LYPD6: variants seen among roughly 807,000 people sequenced by gnomAD.
The protein encoded by LYPD6 is LY6/PLAUR domain containing 6.
Under a neutral mutation model 22.7 loss-of-function variants are expected in LYPD6, and 15 were observed. The observed-to-expected ratio is 0.66, with a 90% CI of 0.44 to 1.02. The LOEUF is 1.02. Ranked by LOEUF, LYPD6 falls within the 50% of genes least tolerant of loss-of-function variation. The pLI is 0.00. For missense variants in LYPD6, 189 were observed against 208.4 expected, an observed-to-expected ratio of 0.91 and a Z score of 0.57; for synonymous variants, 72 against 77.5, an observed-to-expected ratio of 0.93 and a Z score of 0.37.
intron 1 of LYPD6, among the ~76,000 whole-genome samples, chr2:149,340,268 A>G (rs1223211407): frequency 6.6e-6 from 1 of 152,156 alleles, no homozygotes; most frequent in African/African-American, 2.4e-5. Context: ...ATTAGCCCAG[A>G]TGTACATGTT....
intron 1 of LYPD6, among the ~76,000 whole-genome samples, chr2:149,396,639 T>C (rs1183485166): frequency 6.6e-6 from 1 of 152,186 alleles, no homozygotes; most frequent in African/African-American, 2.4e-5. Flanking sequence ...TCTTGGTGTT[T>C]TCCTCAGATG....
chr2:149,449,293 AATAACTT>A lies in LYPD6; in HGVS notation c.217+149_217+155del, dbSNP rs1683758413. On this transcript the variant is annotated intron_variant, in intron 3 of 4. Coordinates refer to ENST00000334166, the MANE Select transcript of LYPD6 (RefSeq NM_194317.5). ...GCTATTAGATCTTTTGTACCACACC[AATAACTT>A]ATCAGAGATTCTCAGAGACATAAAC... The A allele has an allele frequency of 1.6e-5, 9 of 559,956 alleles. No homozygotes were observed. The South Asian group carries it at 2.3e-4, about 14-fold the overall frequency. 34.7% of individuals were successfully genotyped at this position (559,956 alleles called of 1,614,324 possible).
At chr2:149,372,544 T>G (rs1681834762) in intron 1 of LYPD6, among the ~76,000 whole-genome samples, 1 of 152,216 alleles carries the variant, frequency 6.6e-6, no homozygotes, top group South Asian at 2.1e-4. Context: ...ATTAACAAAC[T>G]ATTTTGGGAA....
At chr2:149,389,020 C>T (rs1682249234) in intron 1 of LYPD6, among the ~76,000 whole-genome samples, 1 of 152,044 alleles carries the variant, frequency 6.6e-6, no homozygotes, top group Non-Finnish European at 1.5e-5. Context: ...TTACTGTGGG[C>T]ATTGTCAGAT....
intron 1 of LYPD6, among the ~76,000 whole-genome samples, chr2:149,349,023 GC>G (rs1258086574): frequency 6.6e-6 from 1 of 152,150 alleles, no homozygotes; most frequent in Non-Finnish European, 1.5e-5. Flanking sequence ...GAAGGGTGGG[GC>G]TGTCATTTAC....
chr2:149,431,848 T>C (rs1020766970), intron 1 of LYPD6, among the ~76,000 whole-genome samples: 1 of 152,158 alleles, frequency 6.6e-6, no homozygotes, highest in Non-Finnish European at 1.5e-5. Context: ...GGAGAGGATA[T>C]TTGCAAACAT....
At position 149,437,630 on chromosome 2, in the gene LYPD6, T is replaced by C; in HGVS notation, c.-71-8T>C. Reference sequence around the variant, plus strand: ...GATCACTGAGATGATTCTTTCTTCATTTTTCAGGTGCAAGTTCTCTCCTGT... The same window carrying C: ...GATCACTGAGATGATTCTTTCTTCACTTTTCAGGTGCAAGTTCTCTCCTGT... On this transcript the variant is annotated splice_region_variant and splice_polypyrimidine_tract_variant and intron_variant, in intron 1 of 4. Transcript: ENST00000334166. The C allele has an allele frequency of 6.3e-7, 1 of 1,583,360 alleles. No individual in the cohort carries two copies. The highest frequency in any genetic ancestry group is 1.3e-5 in the African/African-American group (1 of 74,374).
intron 1 of LYPD6, among the ~76,000 whole-genome samples, chr2:149,414,285 C>A (rs1205621993): frequency 6.6e-6 from 1 of 151,826 alleles, no homozygotes; most frequent in Non-Finnish European, 1.5e-5. Context: ...CTAAATGGTC[C>A]CTAATGTATT....
intron 1 of LYPD6, among the ~76,000 whole-genome samples, chr2:149,422,465 G>T (rs950124609): frequency 1.3e-5 from 2 of 152,114 alleles, no homozygotes; most frequent in African/African-American, 4.8e-5. Flanking sequence ...TCATGTCCTT[G>T]CTGTAGTGGT....
chr2:149,400,320 C>T (rs1682525002), intron 1 of LYPD6, among the ~76,000 whole-genome samples: 1 of 152,128 alleles, frequency 6.6e-6, no homozygotes, highest in African/African-American at 2.4e-5. Flanking sequence ...TCCTGCTGAT[C>T]GATAGGTCGC....
Position 149,412,361 on chromosome 2 carries a change from CT to C in LYPD6, c.-71-25265del, listed in dbSNP as rs199667102. On this transcript the variant is annotated intron_variant, in intron 1 of 4. Transcript: ENST00000334166. Reference sequence around the variant, plus strand: ...AAAGATTTATTAGCTAATTTTATTTCTTTTTTTTTTTTGTGGACTGGTGTTT... The same window carrying C: ...AAAGATTTATTAGCTAATTTTATTTCTTTTTTTTTTTGTGGACTGGTGTTT... 2.2e-3 allele frequency among the ~76,000 whole-genome samples: 307 copies of C among 142,434 alleles called. No homozygotes were observed. The East Asian group carries it at 0.023, about 10-fold the overall frequency. The allele number at this position is 142,434 out of a possible 152,430, so 93.4% of individuals were successfully genotyped here. A position where few individuals can be genotyped will look rare whatever the true frequency, so the allele number is the denominator to read the frequency against.
At chr2:149,342,280 A>C (rs1344203769) in intron 1 of LYPD6, among the ~76,000 whole-genome samples, 1 of 152,200 alleles carries the variant, frequency 6.6e-6, no homozygotes, top group Non-Finnish European at 1.5e-5. Context: ...TCACATTTCA[A>C]CATGAGATTT....
chr2:149,351,285 T>C (rs1251345950), intron 1 of LYPD6, among the ~76,000 whole-genome samples: 1 of 150,790 alleles, frequency 6.6e-6, no homozygotes. Context: ...TCCCAGCTAC[T>C]CGGGAGGCTG....
At chr2:149,436,806 C>T (rs939076862) in intron 1 of LYPD6, among the ~76,000 whole-genome samples, 1 of 152,216 alleles carries the variant, frequency 6.6e-6, no homozygotes, top group Non-Finnish European at 1.5e-5. Flanking sequence ...TGGTCTCGAT[C>T]TCCCAACCTC....
chr2:149,461,380 AT>A (rs1314588517), intron 3 of LYPD6, among the ~76,000 whole-genome samples: 6 of 151,764 alleles, frequency 4.0e-5, no homozygotes, highest in Admixed American at 3.3e-4. Context: ...ACTCCTAAGA[AT>A]TTTTTTTATA....
rs1190079003 is a variant in LYPD6 at position 149,377,720 on chromosome 2, C to T, written c.-72+46998C>T. On this transcript the variant is annotated intron_variant, in intron 1 of 4. Coordinates refer to ENST00000334166, the MANE Select transcript of LYPD6 (RefSeq NM_194317.5). ...GCTTGATTCTGGGAGGCGGAGGTTG[C>T]AGTGAGCTGAGATCACACCACTGCA... Among the ~76,000 whole-genome samples the T allele has an allele frequency of 1.1e-4, 17 of 151,748 alleles. 1 individual carries two copies. Among genetic ancestry groups the T allele is most frequent in the Non-Finnish European group, 2.5e-4 (17 of 67,934 alleles).
chr2:149,332,422 G>A (rs532992930), intron 1 of LYPD6, among the ~76,000 whole-genome samples: 1 of 152,220 alleles, frequency 6.6e-6, no homozygotes, highest in East Asian at 1.9e-4. Context: ...TGCATAAATC[G>A]GGCTGATTCT....
intron 1 of LYPD6, among the ~76,000 whole-genome samples, chr2:149,342,565 C>G (rs912180717): frequency 2.6e-5 from 4 of 152,194 alleles, no homozygotes; most frequent in Admixed American, 1.3e-4. Context: ...AAGATGTACA[C>G]TGTTCTTCTA....
At chr2:149,409,549 G>A (rs1682807813) in intron 1 of LYPD6, among the ~76,000 whole-genome samples, 1 of 152,200 alleles carries the variant, frequency 6.6e-6, no homozygotes, top group African/African-American at 2.4e-5. Context: ...ACCAGGGCAG[G>A]TAGGGAAAGA....
Sources: allele counts gnomAD v4.1 joint callset (sites outside exome capture counted in the v4.1 genomes callset), GRCh38; gene constraint gnomAD v4.1.1; transcripts MANE v1.5; gene names NCBI Gene and HGNC (gene_info 2026-07-23, HGNC 2026-07-21).